SS18L1: variants seen among roughly 807,000 people sequenced by gnomAD.
SS18L1 encodes the protein calcium-responsive transactivator.
A neutral mutation model predicts 70.3 loss-of-function variants in SS18L1; 32 were observed. The observed-to-expected ratio is 0.46, with a 90% confidence interval of 0.34 to 0.61. SS18L1 has a LOEUF of 0.61. Ranked by LOEUF, SS18L1 falls within the 20% of genes least tolerant of loss-of-function variation. SS18L1 has a pLI of 0.01. For missense variants in SS18L1, 430 were observed against 542.1 expected, an observed-to-expected ratio of 0.79 and a Z score of 2.05; for synonymous variants, 237 against 229.7, an observed-to-expected ratio of 1.03 and a Z score of -0.29.
At chr20:62,172,429 C>T (rs1420855132) in intron 8 of SS18L1, among the ~76,000 whole-genome samples, 1 of 152,152 alleles carries the variant, frequency 6.6e-6, no homozygotes, top group Non-Finnish European at 1.5e-5. Context: ...CTGGGGAGCA[C>T]ATTTGACCCG....
At chr20:62,151,601 A>G (rs1259182321) in intron 1 of SS18L1, among the ~76,000 whole-genome samples, 1 of 152,162 alleles carries the variant, frequency 6.6e-6, no homozygotes, top group Admixed American at 6.5e-5. Context: ...CCAGCAGAAG[A>G]TCCTCCGAAC....
rs185248484 is a variant in SS18L1 at position 62,176,239 on chromosome 20, C to T, written c.1164+1595C>T. On this transcript the variant is annotated intron_variant, in intron 10 of 10. Coordinates refer to ENST00000331758, the MANE Select transcript of SS18L1 (RefSeq NM_198935.3). ...TACCTACCTATGAAAAGACCGTGAC[C>T]GGTCGTGGTGGCCCATGCCTGTAAT... Among the ~76,000 whole-genome samples, 42 of 152,328 alleles carry T rather than the reference C, an allele frequency of 2.8e-4. 1 individual carries two copies. Among genetic ancestry groups the T allele is most frequent in the Non-Finnish European group, 5.3e-4 (36 of 68,032 alleles).
intron 8 of SS18L1, among the ~76,000 whole-genome samples, chr20:62,168,311 G>C (rs1410748920): frequency 1.3e-5 from 2 of 152,196 alleles, no homozygotes; most frequent in African/African-American, 4.8e-5. Flanking sequence ...CATACATGGT[G>C]ACACTTTACC....
chr20:62,158,634 C>T lies in SS18L1; in HGVS notation c.70-38C>T, dbSNP rs1308946479. 4 of 1,605,984 alleles carry T rather than the reference C, an allele frequency of 2.5e-6. No individual in the cohort carries two copies. In the South Asian group the frequency reaches 3.3e-5, roughly 13 times the overall value. The stretch of plus-strand genomic sequence containing the variant: ...TGTTCATCCCGAGGGTCAGCGACAG[C>T]CCCGCGTCGGCAGCGCCCGCTCACG... On this transcript the variant is annotated intron_variant, in intron 1 of 10. Coordinates refer to ENST00000331758, the MANE Select transcript of SS18L1 (RefSeq NM_198935.3). The surrounding 1 kb of genome is among the most constrained non-coding windows in gnomAD (Gnocchi z 4.5).
intron 8 of SS18L1, among the ~76,000 whole-genome samples, chr20:62,169,011 G>A (rs2057482415): frequency 1.3e-5 from 2 of 152,110 alleles, no homozygotes; most frequent in African/African-American, 4.8e-5. Flanking sequence ...GGGGACAGCG[G>A]GGGCCACGGG....
At chr20:62,164,059 A>AGGCCTTGCTGAAT in intron 6 of SS18L1, 86 bp from the exon 7 acceptor site, 1 of 1,242,576 alleles carries the variant, frequency 8.0e-7, no homozygotes, top group Non-Finnish European at 1.1e-6. Flanking sequence ...CCATTCAGCA[A>AGGCCTTGCTGAAT]GGCCTTGGCT....
intron 10 of SS18L1, among the ~76,000 whole-genome samples, chr20:62,177,882 T>C (rs1314334692): frequency 6.6e-6 from 1 of 151,776 alleles, no homozygotes; most frequent in East Asian, 1.9e-4. Context: ...CTATCACACC[T>C]GGCTAATTTT....
chr20:62,163,625 A>G lies in SS18L1; in HGVS notation c.721+3A>G. ...GCCCTACCGGCCCTCCCAGCAAGGT[A>G]ACGCCCGGCCGGGCCAGGTCGCGGG... On this transcript the variant is annotated splice_donor_region_variant and intron_variant, in intron 6 of 10. Transcript: ENST00000331758. The G allele has an allele frequency of 1.3e-6, 2 of 1,577,024 alleles. No individual in the cohort carries two copies. Among genetic ancestry groups the G allele is most frequent in the Non-Finnish European group, 1.7e-6 (2 of 1,165,664 alleles).
Position 62,143,835 on chromosome 20 carries a change from C to A in SS18L1, c.15C>A (p.Phe5Leu). 1 of 1,333,844 alleles carries A rather than the reference C, an allele frequency of 7.5e-7. No homozygotes were observed. The highest frequency in any genetic ancestry group is 9.9e-7 in the Non-Finnish European group (1 of 1,012,060). 82.6% of individuals were successfully genotyped at this position (1,333,844 alleles called of 1,614,324 possible). ...GCGCCGCCACCATGTCCGTGGCCTT[C>A]GCGTCTGCCCGGCCAAGAGGCAAAG... MSVAFASARPRGKGE... is the reference protein window; with the variant it reads MSVALASARPRGKGE... The change falls in exon 1 of 11, where the codon TTC becomes TTA. Residue 5 changes from phenylalanine (F) to leucine (L), a missense_variant. By Grantham distance (22) the Phe-to-Leu change is conservative. Transcript: ENST00000331758.
intron 1 of SS18L1, 35 bp downstream of exon 1, chr20:62,143,924 G>A: frequency 1.6e-5 from 16 of 1,016,500 alleles, no homozygotes; most frequent in Non-Finnish European, 1.8e-5. Flanking sequence ...CTGGGCGGCG[G>A]GTCTGCGGGC....
At chr20:62,171,309 T>C (rs1237673000) in intron 8 of SS18L1, among the ~76,000 whole-genome samples, 1 of 152,094 alleles carries the variant, frequency 6.6e-6, no homozygotes, top group African/African-American at 2.4e-5. Context: ...CTCCCCCATG[T>C]CTCAGATGGC....
Position 62,167,034 on chromosome 20 carries a change from G to GTTTTTTTTTTT in SS18L1, c.916+1523_916+1524insTTTTTTTTTTT, listed in dbSNP as rs1235961398. 1.3e-4 allele frequency among the ~76,000 whole-genome samples: 16 copies of GTTTTTTTTTTT among 123,492 alleles called. 1 individual carries two copies. The East Asian group carries it at 3.9e-3, about 30-fold the overall frequency. 81.0% of individuals were successfully genotyped at this position (123,492 alleles called of 152,430 possible). A position where few individuals can be genotyped will look rare whatever the true frequency, so the allele number is the denominator to read the frequency against. On this transcript the variant is annotated intron_variant, in intron 8 of 10. Coordinates refer to ENST00000331758, the MANE Select transcript of SS18L1 (RefSeq NM_198935.3). ...GGAGGAGGATTGCTTGAGCTCAGGA[G>GTTTTTTTTTTT]TTTGTTTGTTTTTTTTTTTTTTTTT...
chr20:62,151,336 G>A (rs2057125551), intron 1 of SS18L1, among the ~76,000 whole-genome samples: 1 of 152,156 alleles, frequency 6.6e-6, no homozygotes, highest in Admixed American at 6.5e-5. Context: ...CAAGCCCCGT[G>A]TCCCCCGTCA....
At chr20:62,173,424 T>C (rs577226055) in intron 9 of SS18L1, among the ~76,000 whole-genome samples, 1 of 152,238 alleles carries the variant, frequency 6.6e-6, no homozygotes, top group Non-Finnish European at 1.5e-5. Context: ...TAAAAATTAC[T>C]TGAGGCCAGG....
rs1050743392 is a variant in SS18L1 at position 62,159,793 on chromosome 20, G to A, written c.147-84G>A. The A allele has an allele frequency of 4.4e-6, 6 of 1,352,052 alleles. No homozygotes were observed. Among genetic ancestry groups the A allele is most frequent in the African/African-American group, 2.9e-5 (2 of 69,342 alleles). 83.8% of individuals were successfully genotyped at this position (1,352,052 alleles called of 1,614,324 possible). ...GTTTGGCTGGATGTCAGGCTGTCTT[G>A]TTCACACTTTACTTCTGCCTTGGAT... On this transcript the variant is annotated intron_variant, in intron 2 of 10. Transcript: ENST00000331758. The surrounding 1 kb of genome is among the most constrained non-coding windows in gnomAD (Gnocchi z 4.4).
intron 8 of SS18L1, among the ~76,000 whole-genome samples, chr20:62,167,054 T>TTTTTTG (rs2057448336): frequency 7.3e-6 from 1 of 136,330 alleles, no homozygotes; most frequent in African/African-American, 2.9e-5. Flanking sequence ...TTTTTTTTTT[T>TTTTTTG]TTTTTTTTTG....
intron 1 of SS18L1, among the ~76,000 whole-genome samples, chr20:62,154,010 A>G (rs1274315582): frequency 6.6e-6 from 1 of 152,176 alleles, no homozygotes; most frequent in Non-Finnish European, 1.5e-5. Flanking sequence ...TTGCCCTGAC[A>G]ATTTGAGAAT....
Position 62,159,808 on chromosome 20 carries a change from C to G in SS18L1, c.147-69C>G. On this transcript the variant is annotated intron_variant, in intron 2 of 10. Coordinates refer to ENST00000331758, the MANE Select transcript of SS18L1 (RefSeq NM_198935.3). This position sits in a 1 kb window ranked among gnomAD's most constrained non-coding sequence, Gnocchi z 4.4. ...AGGCTGTCTTGTTCACACTTTACTT[C>G]TGCCTTGGATCCACGTGGGGACTCT... 6.8e-7 allele frequency: 1 copy of G among 1,481,018 alleles called. No individual in the cohort carries two copies. The highest frequency in any genetic ancestry group is 9.2e-7 in the Non-Finnish European group (1 of 1,082,466). The allele number at this position is 1,481,018 out of a possible 1,614,324, so 91.7% of individuals were successfully genotyped here.
chr20:62,159,623 G>C lies in SS18L1; in HGVS notation c.147-254G>C, dbSNP rs370528250. 2.0e-5 allele frequency among the ~76,000 whole-genome samples: 3 copies of C among 152,084 alleles called. No individual in the cohort carries two copies. Among genetic ancestry groups the C allele is most frequent in the Admixed American group, 2.0e-4 (3 of 15,276 alleles). On this transcript the variant is annotated intron_variant, in intron 2 of 10. Coordinates refer to ENST00000331758, the MANE Select transcript of SS18L1 (RefSeq NM_198935.3). The surrounding 1 kb of genome is among the most constrained non-coding windows in gnomAD (Gnocchi z 4.4). Reference sequence around the variant, plus strand: ...CAGCTTCCGCTTAGCTGTTACCTTAGAGTCTTTCCAGAGTTTTTGTCATGG... The same window carrying C: ...CAGCTTCCGCTTAGCTGTTACCTTACAGTCTTTCCAGAGTTTTTGTCATGG...
Sources: allele counts gnomAD v4.1 joint callset (sites outside exome capture counted in the v4.1 genomes callset), GRCh38; gene constraint gnomAD v4.1.1; non-coding constraint Gnocchi (gnomAD v3.1); transcripts MANE v1.5; gene names NCBI Gene and HGNC (gene_info 2026-07-23, HGNC 2026-07-21).